The following RANBP2 variants were observed in gnomAD, a reference collection of about 807,000 sequenced individuals.
RANBP2 encodes E3 SUMO-protein ligase RanBP2.
In RANBP2, 57 loss-of-function variants were observed where a neutral mutation model predicts 303.6. The ratio of observed to expected loss-of-function variants is 0.19; its 90% confidence interval spans 0.15 to 0.23. RANBP2 has a LOEUF of 0.23. RANBP2 is among the 10% of genes least tolerant of loss of function. The pLI is 1.00. For missense variants in RANBP2, 3,138 were observed against 3,780.8 expected, an observed-to-expected ratio of 0.83 and a Z score of 4.46; for synonymous variants, 1,167 against 1,301.5, an observed-to-expected ratio of 0.90 and a Z score of 2.23.
At chr2:109,520,598 CAAAAAAAAAAAAAAA>C in the RANBP2 span, among the ~76,000 whole-genome samples, 3 of 50,100 alleles carry the variant, frequency 6.0e-5, no homozygotes, top group Non-Finnish European at 1.2e-4. Flanking sequence ...GACTCCATCT[CAAAAAAAAAAAAAAA>C]AAAAAAAAAA....
chr2:109,092,253 C>T, the RANBP2 span, among the ~76,000 whole-genome samples: 12 of 152,180 alleles, frequency 7.9e-5, no homozygotes, highest in South Asian at 6.2e-4. Context: ...TTTTGGTAAG[C>T]GCAACAGGCC....
chr2:109,084,388 T>G, the RANBP2 span, among the ~76,000 whole-genome samples: 1 of 152,170 alleles, frequency 6.6e-6, no homozygotes, highest in South Asian at 2.1e-4. Context: ...GGCATCTACA[T>G]TGACTGATAG....
At chr2:109,799,224 C>A in the RANBP2 span, among the ~76,000 whole-genome samples, 2 of 104,910 alleles carry the variant, frequency 1.9e-5, no homozygotes, top group South Asian at 3.4e-4. Context: ...GGCGACAGAG[C>A]AAGACTCCAT....
At chr2:109,153,886 G>T in the RANBP2 span, among the ~76,000 whole-genome samples, 1 of 152,326 alleles carries the variant, frequency 6.6e-6, no homozygotes, top group South Asian at 2.1e-4. Flanking sequence ...TAGCAGTCGG[G>T]ACTTGCTACA....
At chr2:108,731,052 C>G (rs1179018810) in intron 3 of RANBP2, among the ~76,000 whole-genome samples, 167 bp downstream of exon 3, 5 of 152,104 alleles carry the variant, frequency 3.3e-5, no homozygotes, top group African/African-American at 9.7e-5. Flanking sequence ...TGTTTAACAC[C>G]TATAAATTGT....
At chr2:108,853,953 A>AAT in the RANBP2 span, among the ~76,000 whole-genome samples, 7 of 120,824 alleles carry the variant, frequency 5.8e-5, no homozygotes, top group African/African-American at 2.2e-4. Context: ...ATATACAATA[A>AAT]ATATATATAA....
chr2:109,640,483 G>T, the RANBP2 span, among the ~76,000 whole-genome samples: 2 of 152,094 alleles, frequency 1.3e-5, no homozygotes, highest in Non-Finnish European at 2.9e-5. Flanking sequence ...CATTCCTTTT[G>T]TTTTCAAAAC....
the RANBP2 span, among the ~76,000 whole-genome samples, chr2:109,104,360 A>G: frequency 6.6e-6 from 1 of 152,030 alleles, no homozygotes; most frequent in Non-Finnish European, 1.5e-5. Flanking sequence ...ATAAGGAGGC[A>G]TGTCTAATCT....
chr2:109,350,264 C>T, the RANBP2 span, among the ~76,000 whole-genome samples: 1 of 152,194 alleles, frequency 6.6e-6, no homozygotes, highest in Non-Finnish European at 1.5e-5. Context: ...TGGAAGGTGA[C>T]CTCTTGGTTG....
At chr2:109,087,350 G>A in the RANBP2 span, among the ~76,000 whole-genome samples, 2 of 152,112 alleles carry the variant, frequency 1.3e-5, no homozygotes, top group Non-Finnish European at 2.9e-5. Context: ...ATGCTGCTGC[G>A]GGGGTTCTTT....
downstream of RANBP2, among the ~76,000 whole-genome samples, chr2:108,788,279 G>A (rs1366547593): frequency 6.6e-6 from 1 of 152,074 alleles, no homozygotes; most frequent in Admixed American, 6.5e-5. Flanking sequence ...AATTAGCCGA[G>A]CATGGTGGCG....
the RANBP2 span, among the ~76,000 whole-genome samples, chr2:109,425,325 A>G: frequency 0.062 from 9,376 of 152,330 alleles, 380 homozygotes; most frequent in South Asian, 0.11. Context: ...GTAGCAAGTT[A>G]TCCAGAAGAT....
At chr2:108,931,317 C>T in the RANBP2 span, among the ~76,000 whole-genome samples, 6 of 152,192 alleles carry the variant, frequency 3.9e-5, no homozygotes, top group Admixed American at 6.5e-5. Flanking sequence ...TTGTGTTTCT[C>T]GTGCTCAGAG....
intron 7 of RANBP2, among the ~76,000 whole-genome samples, chr2:108,743,344 A>G (rs1261474301): frequency 6.6e-6 from 1 of 152,092 alleles, no homozygotes; most frequent in Admixed American, 6.5e-5. Flanking sequence ...ATCATAGCTC[A>G]CTGCATCCTC....
At chr2:109,365,435 T>C in the RANBP2 span, among the ~76,000 whole-genome samples, 9 of 152,308 alleles carry the variant, frequency 5.9e-5, no homozygotes, top group Admixed American at 4.6e-4. Flanking sequence ...TCTCTTCAAT[T>C]TGGGGGGCAG....
the RANBP2 span, among the ~76,000 whole-genome samples, chr2:108,886,864 C>G: frequency 6.6e-6 from 1 of 152,162 alleles, no homozygotes; most frequent in Non-Finnish European, 1.5e-5. Context: ...CTCTGTTGAT[C>G]ATTTCCTTTT....
At chr2:109,162,382 T>C in the RANBP2 span, among the ~76,000 whole-genome samples, 1 of 152,204 alleles carries the variant, frequency 6.6e-6, no homozygotes, top group Admixed American at 6.5e-5. Flanking sequence ...CTCTTAGGGC[T>C]CCTCAACCTT....
At chr2:108,731,763 G>A (rs144432148) in intron 4 of RANBP2, 17 of 391,906 alleles carry the variant, frequency 4.3e-5, no homozygotes, top group East Asian at 1.5e-4. Context: ...ATTAAGTTCC[G>A]TCTGGTATAC....
the RANBP2 span, among the ~76,000 whole-genome samples, chr2:108,899,901 G>A: frequency 5.9e-5 from 9 of 151,780 alleles, no homozygotes; most frequent in African/African-American, 1.5e-4. Context: ...CAGGAGAATC[G>A]CTTGAACCTG....
Sources: gnomAD v4.1 joint callset for allele counts (sites outside exome capture counted in the v4.1 genomes callset) on GRCh38, gnomAD v4.1.1 for gene constraint, MANE v1.5 for transcripts, NCBI Gene and HGNC (gene_info 2026-07-23, HGNC 2026-07-21) for gene names.